Variants in ARMC9 observed in about 807,000 individuals in gnomAD.
The protein encoded by ARMC9 is armadillo repeat containing 9, also known as lisH domain-containing protein ARMC9.
In ARMC9, 94 loss-of-function variants were observed where a neutral mutation model predicts 107.0. The ratio of observed to expected loss-of-function variants is 0.88; its 90% CI spans 0.74 to 1.04. The LOEUF is 1.04. Ranked by LOEUF, ARMC9 falls within the 50% of genes least tolerant of loss-of-function variation. ARMC9 has a pLI of 0.00. For synonymous variants in ARMC9, 380 were observed against 396.9 expected, an observed-to-expected ratio of 0.96 and a Z score of 0.51; for missense variants, 942 against 1,030.1, an observed-to-expected ratio of 0.91 and a Z score of 1.17.
intron 19 of ARMC9, among the ~76,000 whole-genome samples, chr2:231,310,800 G>A (rs2042304597): frequency 6.6e-6 from 1 of 151,746 alleles, no homozygotes; most frequent in Non-Finnish European, 1.5e-5. Flanking sequence ...ATCTTTAAGG[G>A]GAAAAGCAGA....
At chr2:231,365,267 G>A (rs2045767478) in intron 23 of ARMC9, among the ~76,000 whole-genome samples, 1 of 152,200 alleles carries the variant, frequency 6.6e-6, no homozygotes, top group African/African-American at 2.4e-5. Context: ...GGTGATATAC[G>A]GGAAAGTTGG....
rs377355869 is a variant in ARMC9 at position 231,341,163 on chromosome 2, GCCTAGGTGGCA to G, written c.1879-3811_1879-3801del. Among the ~76,000 whole-genome samples the G allele has an allele frequency of 2.6e-4, 39 of 152,318 alleles. 1 individual carries two copies. In the East Asian group the frequency reaches 3.3e-3, roughly 13 times the overall value. ...GCTATGATTGCACCACTGCACTCCAGCCTAGGTGGCAGAGCAAGACCTTGTCTAAAAAACCT... is the reference window on the plus strand; with the variant it reads ...GCTATGATTGCACCACTGCACTCCAGGAGCAAGACCTTGTCTAAAAAACCT... On this transcript the variant is annotated intron_variant, in intron 20 of 24. Transcript: ENST00000611582.
At chr2:231,264,359 A>G (rs1014647975) in intron 12 of ARMC9, among the ~76,000 whole-genome samples, 7 of 150,618 alleles carry the variant, frequency 4.6e-5, no homozygotes, top group African/African-American at 1.5e-4. Context: ...TTTTATTTTT[A>G]GTAGAGACGG....
intron 8 of ARMC9, among the ~76,000 whole-genome samples, chr2:231,236,179 T>C (rs551728477): frequency 4.9e-4 from 74 of 152,348 alleles, no homozygotes; most frequent in Non-Finnish European, 9.0e-4. Context: ...CCTGCTGTCA[T>C]ATAGGGAAGC....
intron 22 of ARMC9, among the ~76,000 whole-genome samples, chr2:231,357,382 C>T (rs1473782393): frequency 6.6e-6 from 1 of 152,102 alleles, no homozygotes; most frequent in Non-Finnish European, 1.5e-5. Flanking sequence ...ATGCTGAGAC[C>T]GTGTTCTGAG....
intron 7 of ARMC9, 38 bp from the exon 8 acceptor site, chr2:231,235,186 A>T (rs1242864360): frequency 6.3e-7 from 1 of 1,581,056 alleles, no homozygotes. Flanking sequence ...CATATTGTGG[A>T]TTTTTATTGA....
intron 19 of ARMC9, among the ~76,000 whole-genome samples, chr2:231,308,074 A>G (rs1361487576): frequency 6.6e-6 from 1 of 152,122 alleles, no homozygotes; most frequent in Non-Finnish European, 1.5e-5. Context: ...AAGAGTGGAC[A>G]CTCACTGAAG....
chr2:231,367,071 C>G (rs1050011076), intron 23 of ARMC9, among the ~76,000 whole-genome samples: 5 of 151,730 alleles, frequency 3.3e-5, no homozygotes, highest in Non-Finnish European at 7.4e-5. Context: ...AGGATGGTCT[C>G]GATCTCATGA....
At chr2:231,364,747 G>A (rs142441306) in intron 23 of ARMC9, among the ~76,000 whole-genome samples, 2 of 151,020 alleles carry the variant, frequency 1.3e-5, no homozygotes, top group African/African-American at 2.4e-5. Flanking sequence ...GCAGTGAGCC[G>A]AGATCACACC....
chr2:231,242,832 GTCAGGCAT>G (rs1265413651), intron 9 of ARMC9, among the ~76,000 whole-genome samples: 3 of 152,166 alleles, frequency 2.0e-5, no homozygotes, highest in Non-Finnish European at 4.4e-5. Context: ...ACTGATGTTG[GTCAGGCAT>G]GGTGGCGCAC....
At chr2:231,208,563 G>T (rs2032370254) in intron 3 of ARMC9, among the ~76,000 whole-genome samples, 1 of 152,172 alleles carries the variant, frequency 6.6e-6, no homozygotes, top group Non-Finnish European at 1.5e-5. Context: ...TTAATTCTAG[G>T]CACTGGGGAT....
chr2:231,223,742 C>T (rs1308457605), intron 6 of ARMC9, among the ~76,000 whole-genome samples: 3 of 152,156 alleles, frequency 2.0e-5, no homozygotes, highest in African/African-American at 2.4e-5. Flanking sequence ...TTCCCTGTTG[C>T]CTGTATTCAA....
chr2:231,294,480 C>G (rs886613572), intron 18 of ARMC9: 22 of 152,368 alleles, frequency 1.4e-4, no homozygotes, highest in Admixed American at 1.4e-3. Context: ...TGGACCAACT[C>G]AGGGAACAGG....
At chr2:231,326,574 A>C (rs112071635) in intron 19 of ARMC9, among the ~76,000 whole-genome samples, 1,683 of 152,264 alleles carry the variant, frequency 0.011, 30 homozygotes, top group Middle Eastern at 0.037. Context: ...TCCCAAGGTG[A>C]CACCATCTAG....
At position 231,281,445 on chromosome 2, in the gene ARMC9, T is replaced by G. The variant is rs145541586; in HGVS notation, c.1552-614T>G. Among the ~76,000 whole-genome samples the G allele has an allele frequency of 3.7e-3, 559 of 152,240 alleles. 6 individuals carry two copies. Among genetic ancestry groups the G allele is most frequent in the South Asian group, 0.034 (165 of 4,822 alleles). On this transcript the variant is annotated intron_variant, in intron 16 of 24. Coordinates refer to ENST00000611582, the MANE Select transcript of ARMC9 (RefSeq NM_001352754.2). ...GAGGTCATGAGATAGAGGCCACCCC[T>G]TGAAGATCCTGTGTGCCACACCAAG...
chr2:231,291,469 T>C (rs2040986865), intron 18 of ARMC9, 26 bp downstream of exon 18: 2 of 1,598,138 alleles, frequency 1.3e-6, no homozygotes, highest in African/African-American at 1.3e-5. Context: ...GAATCTTTGA[T>C]CTATCTTTTG....
chr2:231,320,640 T>TATAG (rs2042946929), intron 19 of ARMC9, among the ~76,000 whole-genome samples: 1 of 151,912 alleles, frequency 6.6e-6, no homozygotes, highest in Non-Finnish European at 1.5e-5. Flanking sequence ...TCTGGAGCTA[T>TATAG]ATAGAATAAG....
At position 231,360,970 on chromosome 2, in the gene ARMC9, C is replaced by G. The variant is rs889050415; in HGVS notation, c.2261+87C>G. The G allele has an allele frequency of 4.7e-5, 67 of 1,440,024 alleles. No homozygotes were observed. In the African/African-American group the frequency reaches 6.3e-4, roughly 14 times the overall value. The allele number at this position is 1,440,024 out of a possible 1,614,324, so 89.2% of individuals were successfully genotyped here. A position where few individuals can be genotyped will look rare whatever the true frequency, so the allele number is the denominator to read the frequency against. ...CGCCGGATGCAGAGCACCCAGGAGA[C>G]CTGGAAGGCTCCTCTGAGGCCCAGC... On this transcript the variant is annotated intron_variant, in intron 23 of 24. Coordinates refer to ENST00000611582, the MANE Select transcript of ARMC9 (RefSeq NM_001352754.2). This position sits in a 1 kb window ranked among gnomAD's most constrained non-coding sequence, Gnocchi z 4.7.
chr2:231,278,513 A>G (rs2039953616), intron 16 of ARMC9, 55 bp downstream of exon 16: 9 of 1,526,032 alleles, frequency 5.9e-6, no homozygotes, highest in South Asian at 3.4e-5. Flanking sequence ...TGGGGACCCA[A>G]TGCCTGTGAC....
Sources: allele counts gnomAD v4.1 joint callset (sites outside exome capture counted in the v4.1 genomes callset), GRCh38; gene constraint gnomAD v4.1.1; non-coding constraint Gnocchi (gnomAD v3.1); transcripts MANE v1.5; gene names NCBI Gene and HGNC (gene_info 2026-07-23, HGNC 2026-07-21).